STEAP1B: variants seen among roughly 807,000 people sequenced by gnomAD.
STEAP1B encodes STEAP family member 1B.
STEAP1B carries 13 observed loss-of-function variants against 27.9 expected under a neutral mutation model. That is an observed-to-expected ratio of 0.47 (90% CI 0.30 to 0.74). STEAP1B has a LOEUF of 0.74. Ranked by LOEUF, STEAP1B falls within the 30% of genes least tolerant of loss-of-function variation. STEAP1B has a pLI of 0.06. For missense variants in STEAP1B, 250 were observed against 298.7 expected, an observed-to-expected ratio of 0.84 and a Z score of 1.20; for synonymous variants, 86 against 107.1, an observed-to-expected ratio of 0.80 and a Z score of 1.22.
intron 4 of STEAP1B, among the ~76,000 whole-genome samples, chr7:22,467,589 T>A (rs1668882092): frequency 6.6e-6 from 1 of 152,206 alleles, no homozygotes; most frequent in African/African-American, 2.4e-5. Flanking sequence ...ATTCCCCCCA[T>A]ACTGTTCTTG....
rs1419561641 is a variant in STEAP1B, at chr7:22,458,642, T to C, written c.762+33923A>G. On this transcript the variant is annotated intron_variant, in intron 4 of 4. Coordinates refer to ENST00000678116, the MANE Select transcript of STEAP1B (RefSeq NM_001382447.1). ...ATAGACAGATGGAGGGAAAGCATTT[T>C]GCACAAGGGTACACCCTAAACCAGG... 2.0e-5 allele frequency among the ~76,000 whole-genome samples: 3 copies of C among 152,246 alleles called. No individual in the cohort carries two copies. The East Asian group carries it at 5.8e-4, about 29-fold the overall frequency.
At chr7:22,474,010 A>G (rs1346370484) in intron 4 of STEAP1B, among the ~76,000 whole-genome samples, 1 of 152,220 alleles carries the variant, frequency 6.6e-6, no homozygotes, top group Non-Finnish European at 1.5e-5. Flanking sequence ...ACTTTGTTTT[A>G]TTATTAAAGG....
At chr7:22,447,381 T>C (rs1583635866) in intron 4 of STEAP1B, among the ~76,000 whole-genome samples, 1 of 152,190 alleles carries the variant, frequency 6.6e-6, no homozygotes, top group East Asian at 1.9e-4. Context: ...ATTCAGTTGG[T>C]TGGAAGATCA....
intron 4 of STEAP1B, among the ~76,000 whole-genome samples, chr7:22,442,182 G>T (rs1583633548): frequency 6.6e-6 from 1 of 152,340 alleles, no homozygotes; most frequent in South Asian, 2.1e-4. Context: ...TGGGTAAAAA[G>T]ACTGCAGTGA....
intron 4 of STEAP1B, among the ~76,000 whole-genome samples, chr7:22,489,248 A>G (rs1015247253): frequency 8.5e-5 from 13 of 152,190 alleles, no homozygotes; most frequent in Non-Finnish European, 1.5e-4. Flanking sequence ...TAATAATGTA[A>G]CTAGTAGTTA....
intron 4 of STEAP1B, among the ~76,000 whole-genome samples, chr7:22,482,228 G>T (rs1458820695): frequency 2.6e-5 from 4 of 152,212 alleles, no homozygotes; most frequent in Non-Finnish European, 4.4e-5. Context: ...AGCAGAGCTT[G>T]AGACTGGGCT....
intron 4 of STEAP1B, among the ~76,000 whole-genome samples, chr7:22,451,817 T>G (rs1411864531): frequency 6.6e-6 from 1 of 152,232 alleles, no homozygotes; most frequent in Non-Finnish European, 1.5e-5. Flanking sequence ...TGCAGCAATA[T>G]TCATAGGTAT....
At chr7:22,496,141 T>G (rs1786435817) in intron 1 of STEAP1B, among the ~76,000 whole-genome samples, 2 of 151,808 alleles carry the variant, frequency 1.3e-5, no homozygotes, top group African/African-American at 2.4e-5. Flanking sequence ...AGGCCTAGGC[T>G]AATGTGTGTG....
At position 22,464,948 on chromosome 7, in the gene STEAP1B, CATAT is replaced by C. The variant is rs75308240; in HGVS notation, c.762+27613_762+27616del. Among the ~76,000 whole-genome samples, 40 of 45,038 alleles carry C rather than the reference CATAT, an allele frequency of 8.9e-4. 10 individuals carry two copies. Among genetic ancestry groups the C allele is most frequent in the South Asian group, 1.4e-3 (2 of 1,406 alleles). The allele number at this position is 45,038 out of a possible 152,430, so 29.5% of individuals were successfully genotyped here. On this transcript the variant is annotated intron_variant, in intron 4 of 4. Coordinates refer to ENST00000678116, the MANE Select transcript of STEAP1B (RefSeq NM_001382447.1). ...CGAAACCACAGACAGTACCAAACCCCATATATATATATATATGTAGGCACAATAA... is the reference window on the plus strand; with the variant it reads ...CGAAACCACAGACAGTACCAAACCCCATATATATATATGTAGGCACAATAA...
At chr7:22,426,718 A>T (rs1785112092) in intron 4 of STEAP1B, among the ~76,000 whole-genome samples, 1 of 152,230 alleles carries the variant, frequency 6.6e-6, no homozygotes, top group Admixed American at 6.5e-5. Flanking sequence ...CCTGTCTGTG[A>T]GCTAGACATT....
intron 1 of STEAP1B, among the ~76,000 whole-genome samples, chr7:22,498,062 T>C (rs180746894): frequency 2.0e-5 from 3 of 152,276 alleles, no homozygotes; most frequent in East Asian, 3.9e-4. Flanking sequence ...ATAGGGTTCA[T>C]GTACTTAGGA....
At chr7:22,438,462 G>C (rs546912247) in intron 4 of STEAP1B, 1 of 1,538,628 alleles carries the variant, frequency 6.5e-7, no homozygotes, top group African/African-American at 1.4e-5. Context: ...TATGAGCAGG[G>C]AACAAGGTTC....
At chr7:22,444,866 C>G (rs922010980) in intron 4 of STEAP1B, among the ~76,000 whole-genome samples, 1 of 152,144 alleles carries the variant, frequency 6.6e-6, no homozygotes, top group Non-Finnish European at 1.5e-5. Context: ...ATGGGCTCCC[C>G]AGTATTCTAT....
intron 4 of STEAP1B, among the ~76,000 whole-genome samples, chr7:22,484,818 G>A (rs940480998): frequency 3.3e-5 from 5 of 152,206 alleles, no homozygotes; most frequent in African/African-American, 1.2e-4. Context: ...AACATTCATA[G>A]GAGTTTAGAA....
intron 4 of STEAP1B, among the ~76,000 whole-genome samples, chr7:22,473,844 T>C (rs1478047127): frequency 6.6e-6 from 1 of 152,132 alleles, no homozygotes; most frequent in Non-Finnish European, 1.5e-5. Flanking sequence ...GCTGTGATGG[T>C]GGTGATGGCA....
chr7:22,491,593 T>C (rs910118483), intron 4 of STEAP1B, among the ~76,000 whole-genome samples: 2 of 152,184 alleles, frequency 1.3e-5, no homozygotes, highest in Non-Finnish European at 2.9e-5. Context: ...AAAAAAGGTA[T>C]TCTTGGTGAA....
chr7:22,460,033 G>A (rs887963099), intron 4 of STEAP1B, among the ~76,000 whole-genome samples: 1 of 152,130 alleles, frequency 6.6e-6, no homozygotes, highest in Admixed American at 6.5e-5. Context: ...GGAAAGGCTG[G>A]CTGTGGTGTC....
intron 4 of STEAP1B, among the ~76,000 whole-genome samples, chr7:22,455,640 A>T (rs1785565804): frequency 1.3e-5 from 2 of 152,330 alleles, no homozygotes; most frequent in East Asian, 3.9e-4. Context: ...TATATTGCAA[A>T]TAACTTTTCC....
chr7:22,430,438 G>A (rs139669781), intron 4 of STEAP1B, among the ~76,000 whole-genome samples: 3 of 152,178 alleles, frequency 2.0e-5, no homozygotes, highest in African/African-American at 7.2e-5. Context: ...CTGAGGCAAG[G>A]AATTATTAAA....
Sources: gnomAD v4.1 joint callset for allele counts (sites outside exome capture counted in the v4.1 genomes callset) on GRCh38, gnomAD v4.1.1 for gene constraint, MANE v1.5 for transcripts, NCBI Gene and HGNC (gene_info 2026-07-23, HGNC 2026-07-21) for gene names.